Variants in MTG2 observed in about 807,000 individuals in gnomAD.
The protein encoded by MTG2 is mitochondrial ribosome associated GTPase 2.
In MTG2, 23 loss-of-function variants were observed where a neutral mutation model predicts 28.6. That is an observed-to-expected ratio of 0.80 (90% CI 0.58 to 1.14). MTG2 has a LOEUF of 1.14. Ranked by LOEUF, MTG2 falls within the 50% of genes most tolerant of loss-of-function variation. The pLI, the probability that MTG2 is intolerant of heterozygous loss-of-function variation, is 0.00. For missense variants in MTG2, 539 were observed against 552.0 expected (o/e 0.98, Z 0.24); for synonymous variants, 260 against 251.8 (o/e 1.03, Z -0.31).
At position 62,198,522 on chromosome 20, in the gene MTG2, G is replaced by T. The variant is rs1190752482; in HGVS notation, c.469-112G>T. ...GGTGAGTGGGGCGGGCAGCTGCCCGGGGCACAGTCCGCTCTTGTCTTCTTT... is the reference window on the plus strand; with the variant it reads ...GGTGAGTGGGGCGGGCAGCTGCCCGTGGCACAGTCCGCTCTTGTCTTCTTT... On this transcript the variant is annotated intron_variant, in intron 4 of 6. Transcript: ENST00000370823. 5 of 1,188,182 alleles carry T rather than the reference G, an allele frequency of 4.2e-6. No individual in the cohort carries two copies. The African/African-American group carries it at 6.0e-5, about 14-fold the overall frequency. The allele number at this position is 1,188,182 out of a possible 1,614,324, so 73.6% of individuals were successfully genotyped here. A position where few individuals can be genotyped will look rare whatever the true frequency, so the allele number is the denominator to read the frequency against.
In MTG2 at chr20:62,199,195, C is replaced by T. The variant is rs200413603; in HGVS notation, c.764C>T (p.Pro255Leu). The T allele has an allele frequency of 3.0e-5, 48 of 1,614,090 alleles. No homozygotes were observed. The highest frequency in any genetic ancestry group is 2.3e-4 in the Admixed American group (14 of 60,010). ...SNARPAVASY[P>L]FTTLKPHVGI... ...GCCAGACCCGCCGTGGCTTCCTACC[C>T]GTTCACCACCCTGAAGCCCCACGTC... Residue 255 changes from proline (P) to leucine (L), a missense_variant, in exon 6 of 7, where the codon CCG becomes CTG. By Grantham distance (98) the Pro-to-Leu change is moderately conservative. Transcript: ENST00000370823.
rs2058187148 is a variant in MTG2 at position 62,202,393 on chromosome 20, A to C, written c.*1316A>C. ...CAAGGCTGCAGTGAGCCGTGATTGC[A>C]CCACTGCACTCCAGCCTGAGTGACA... On this transcript the variant is annotated 3_prime_UTR_variant, in exon 7 of 7. Coordinates refer to ENST00000370823, the MANE Select transcript of MTG2 (RefSeq NM_015666.4). 1 of 156,484 alleles carries C rather than the reference A, an allele frequency of 6.4e-6. No individual in the cohort carries two copies. Among genetic ancestry groups the C allele is most frequent in the African/African-American group, 2.4e-5 (1 of 41,504 alleles). The allele number at this position is 156,484 out of a possible 1,614,324, so 9.7% of individuals were successfully genotyped here. A position where few individuals can be genotyped will look rare whatever the true frequency, so the allele number is the denominator to read the frequency against.
intron 4 of MTG2, 38 bp downstream of exon 4, chr20:62,198,005 G>A (rs1237883217): frequency 1.9e-6 from 3 of 1,582,490 alleles, no homozygotes; most frequent in African/African-American, 1.3e-5. Context: ...TGTCCCCGTT[G>A]TTCTGGATCA....
chr20:62,194,651 GAA>G (rs11467955), intron 2 of MTG2, among the ~76,000 whole-genome samples: 34,409 of 151,446 alleles, frequency 0.23, 4,100 homozygotes, highest in South Asian at 0.39. Context: ...TCTTTTAAAA[GAA>G]AAAAAAACTG....
chr20:62,199,357 C>T, intron 6 of MTG2, 100 bp downstream of exon 6: 1 of 1,442,726 alleles, frequency 6.9e-7, no homozygotes, highest in Non-Finnish European at 9.3e-7. Context: ...TAAAATGTAG[C>T]ATTGTTGGCC....
At chr20:62,198,925 T>A in intron 5 of MTG2, 73 bp downstream of exon 5, 1 of 1,592,246 alleles carries the variant, frequency 6.3e-7, no homozygotes, top group Non-Finnish European at 8.6e-7. Context: ...AATGGGGATT[T>A]GCCAGTGGCC....
At chr20:62,187,999 C>T (rs998969097) in intron 1 of MTG2, among the ~76,000 whole-genome samples, 11 of 151,814 alleles carry the variant, frequency 7.2e-5, no homozygotes, top group South Asian at 6.2e-4. Flanking sequence ...TTCATGGTGG[C>T]GGGCGCCTGT....
intron 1 of MTG2, among the ~76,000 whole-genome samples, chr20:62,184,762 C>A (rs1276034221): frequency 1.3e-5 from 2 of 152,202 alleles, no homozygotes; most frequent in Non-Finnish European, 2.9e-5. Flanking sequence ...TGGAAGATAG[C>A]TCGGCATGCA....
At chr20:62,185,456 C>A (rs1279483832) in intron 1 of MTG2, among the ~76,000 whole-genome samples, 2 of 151,488 alleles carry the variant, frequency 1.3e-5, no homozygotes, top group Admixed American at 6.6e-5. Context: ...TATACACATA[C>A]ATATATATAC....
chr20:62,186,457 A>G (rs1251838428), intron 1 of MTG2, among the ~76,000 whole-genome samples: 2 of 151,820 alleles, frequency 1.3e-5, no homozygotes, highest in Non-Finnish European at 1.5e-5. Flanking sequence ...TTAAGAATAC[A>G]ACTGATTTTT....
rs374338801 is a variant in MTG2 at position 62,193,555 on chromosome 20, G to A, written c.135G>A (p.Ser45=). The change falls in exon 2 of 7, where the codon TCG becomes TCA. Residue 45 remains serine (S), a synonymous_variant. Transcript: ENST00000370823. Reference sequence around the variant, plus strand: ...AGCGGGCTTCTCCCAGGCTGCTCTCGGTCGGCCGTGCGGACCTCGCCAAGC... The same window carrying A: ...AGCGGGCTTCTCCCAGGCTGCTCTCAGTCGGCCGTGCGGACCTCGCCAAGC... The part of the protein sequence containing the change: ...LPQRASPRLL[S]VGRADLAKHQ... The A allele has an allele frequency of 5.6e-6, 9 of 1,613,846 alleles. No individual in the cohort carries two copies. In the African/African-American group the frequency reaches 8.0e-5, roughly 14 times the overall value.
rs1192106476 is a variant in MTG2 at position 62,188,508 on chromosome 20, ATTTTTTTT to A, written c.-5-4891_-5-4884del. Reference sequence around the variant, plus strand: ...ACCACCATGTCCAGCTAATCAGCTAATTTTTTTTTTTTTTTTTTTTTTTTGGTAGACAC... The same window carrying A: ...ACCACCATGTCCAGCTAATCAGCTAATTTTTTTTTTTTTTTTGGTAGACAC... On this transcript the variant is annotated intron_variant, in intron 1 of 6. Transcript: ENST00000370823. Among the ~76,000 whole-genome samples the A allele has an allele frequency of 1.0e-3, 92 of 89,734 alleles. 1 individual carries two copies. In the East Asian group the frequency reaches 0.026, roughly 25 times the overall value. The allele number at this position is 89,734 out of a possible 152,430, so 58.9% of individuals were successfully genotyped here.
At chr20:62,198,394 T>C in intron 4 of MTG2, 1 of 584,874 alleles carries the variant, frequency 1.7e-6, no homozygotes, top group African/African-American at 1.9e-5. Context: ...TTAGAAACAC[T>C]ATTTGAAAAA....
intron 6 of MTG2, 103 bp downstream of exon 6, chr20:62,199,360 T>C: frequency 2.1e-6 from 3 of 1,437,672 alleles, no homozygotes; most frequent in Non-Finnish European, 2.8e-6. Flanking sequence ...AATGTAGCAT[T>C]GTTGGCCAGG....
At chr20:62,191,430 G>T (rs978649963) in intron 1 of MTG2, among the ~76,000 whole-genome samples, 2 of 152,182 alleles carry the variant, frequency 1.3e-5, no homozygotes, top group African/African-American at 4.8e-5. Context: ...AAGTCCAGTC[G>T]GCGACTGACT....
Position 62,195,834 on chromosome 20 carries a change from T to A in MTG2, c.237T>A (p.Leu79=), listed in dbSNP as rs1364874199. ...KRYFVDYRRV[L]VCGGNGGAGA... is the part of the protein sequence containing the mutation. ...ACTTTGTGGACTATCGGAGAGTGCT[T>A]GTCTGTGGAGGAAACGGAGGCGCTG... The change falls in exon 3 of 7, where the codon CTT becomes CTA. Residue 79 remains leucine (L), a synonymous_variant. Transcript: ENST00000370823. 1 of 1,614,074 alleles carries A rather than the reference T, an allele frequency of 6.2e-7. No homozygotes were observed. Among genetic ancestry groups the A allele is most frequent in the Non-Finnish European group, 8.5e-7 (1 of 1,180,030 alleles).
intron 1 of MTG2, among the ~76,000 whole-genome samples, chr20:62,186,902 C>G (rs1297139929): frequency 6.6e-6 from 1 of 152,102 alleles, no homozygotes; most frequent in African/African-American, 2.4e-5. Flanking sequence ...CCTTTTTTCC[C>G]CCTTTATTTC....
In MTG2 at chr20:62,198,619, C is replaced by T. The variant is rs1333462516; in HGVS notation, c.469-15C>T. 2 of 1,611,818 alleles carry T rather than the reference C, an allele frequency of 1.2e-6. No individual in the cohort carries two copies. Among genetic ancestry groups the T allele is most frequent in the East Asian group, 2.2e-5 (1 of 44,840 alleles). On this transcript the variant is annotated splice_polypyrimidine_tract_variant and intron_variant, in intron 4 of 6. Coordinates refer to ENST00000370823, the MANE Select transcript of MTG2 (RefSeq NM_015666.4). The stretch of plus-strand genomic sequence containing the variant: ...GCTGGTAGAGCTCAGCTGATGAGTG[C>T]CTGCTGTTCCCCAGGTCCCCGTGGG...
chr20:62,199,015 T>TC lies in MTG2; in HGVS notation c.688-99dup, dbSNP rs1343011679. On this transcript the variant is annotated intron_variant, in intron 5 of 6. Transcript: ENST00000370823. ...GGTCGTGAGCATGAGCCCTTGTGAC[T>TC]CCCCCAGCCCTGAAATCCTCCCTCC... The TC allele has an allele frequency of 1.9e-6, 3 of 1,569,440 alleles. No individual in the cohort carries two copies. The African/African-American group carries it at 4.1e-5, about 21-fold the overall frequency.
Sources: allele counts gnomAD v4.1 joint callset (sites outside exome capture counted in the v4.1 genomes callset), GRCh38; gene constraint gnomAD v4.1.1; transcripts MANE v1.5; gene names NCBI Gene and HGNC (gene_info 2026-07-23, HGNC 2026-07-21).